Variants in NR1H2 observed in about 807,000 individuals in gnomAD.
NR1H2 encodes the protein nuclear receptor subfamily 1 group H member 2.
In NR1H2, 33 loss-of-function variants were observed where a neutral mutation model predicts 51.2. The ratio of observed to expected loss-of-function variants is 0.64; its 90% confidence interval spans 0.49 to 0.86. NR1H2 has a LOEUF of 0.86. NR1H2 is among the 40% of genes least tolerant of loss of function. The pLI, the probability that NR1H2 is intolerant of heterozygous loss-of-function variation, is 0.00. For synonymous variants in NR1H2, 310 were observed against 264.3 expected (o/e 1.17, Z -1.68); for missense variants, 592 against 639.9 (o/e 0.93, Z 0.81).
rs55652650 is a variant in NR1H2 at position 50,378,563 on chromosome 19, A to AAAC, written c.516_518dup (p.Gln175dup). The stretch of plus-strand genomic sequence containing the variant: ...ACAGATCCGGAAGAAGAAGATTCGG[A>AAAC]AACAGCAGCAGGAGTCACAGTCACA... On this transcript the variant is annotated inframe_insertion, in exon 6 of 10. Coordinates refer to ENST00000253727, the MANE Select transcript of NR1H2 (RefSeq NM_007121.7). The AAAC allele has an allele frequency of 0.6, 934,638 of 1,565,098 alleles. 275,047 individuals carry two copies. The highest frequency in any genetic ancestry group is 0.8 in the East Asian group (35,904 of 44,610).
chr19:50,377,636 A>G lies in NR1H2; in HGVS notation c.31A>G (p.Thr11Ala). MSSPTTSSLD[T>A]PLPGNGPPQP... ...CTCTCCTACCACGAGTTCCCTGGAT[A>G]CCCCCCTGCCTGGTGAGTGACTCTC... The change falls in exon 3 of 10, where the codon ACC becomes GCC. Residue 11 changes from threonine (T) to alanine (A), a missense_variant. Coordinates refer to ENST00000253727, the MANE Select transcript of NR1H2 (RefSeq NM_007121.7). 1 of 1,612,880 alleles carries G rather than the reference A, an allele frequency of 6.2e-7. No individual in the cohort carries two copies. Among genetic ancestry groups the G allele is most frequent in the Non-Finnish European group, 8.5e-7 (1 of 1,179,522 alleles).
chr19:50,378,893 C>T lies in NR1H2; in HGVS notation c.747+97C>T, dbSNP rs1828439192. ...TGTGGGAGAATGAGGCTCCAGAGGG[C>T]AGGGGCTTTGGGAAGAGGATCCCCC... On this transcript the variant is annotated intron_variant, in intron 6 of 9. Coordinates refer to ENST00000253727, the MANE Select transcript of NR1H2 (RefSeq NM_007121.7). 5 of 1,555,812 alleles carry T rather than the reference C, an allele frequency of 3.2e-6. No individual in the cohort carries two copies. The South Asian group carries it at 6.1e-5, about 19-fold the overall frequency.
chr19:50,377,599 C>G lies in NR1H2; in HGVS notation c.-7C>G. 1.9e-6 allele frequency: 3 copies of G among 1,613,534 alleles called. No individual in the cohort carries two copies. In the African/African-American group the frequency reaches 4.0e-5, roughly 22 times the overall value. ...CTGTATTCTACAGGCTGCTCCGTGA[C>G]CCCACCATGTCCTCTCCTACCACGA... On this transcript the variant is annotated 5_prime_UTR_variant, in exon 3 of 10. Coordinates refer to ENST00000253727, the MANE Select transcript of NR1H2 (RefSeq NM_007121.7).
rs533061227 is a variant in NR1H2 at position 50,382,446 on chromosome 19, C to T, written c.1237-10C>T. The T allele has an allele frequency of 6.9e-6, 11 of 1,584,180 alleles. No homozygotes were observed. In the South Asian group the frequency reaches 1.0e-4, roughly 15 times the overall value. ...GGGCTCAGCCAGCGCCCACCTGCCT[C>T]CTCCCTCAGGACCAGCTGCGCTTCC... On this transcript the variant is annotated splice_polypyrimidine_tract_variant and intron_variant, in intron 9 of 9. Transcript: ENST00000253727.
intron 7 of NR1H2, 75 bp downstream of exon 7, chr19:50,379,256 C>A (rs905621461): frequency 1.4e-6 from 2 of 1,431,840 alleles, no homozygotes; most frequent in Non-Finnish European, 1.9e-6. Flanking sequence ...TTAAGGAAGA[C>A]CAGTGCTTGC....
intron 8 of NR1H2, 149 bp from the exon 9 acceptor site, chr19:50,381,815 CAT>C (rs1465433634): frequency 9.0e-6 from 6 of 669,592 alleles, no homozygotes; most frequent in Non-Finnish European, 1.5e-5. Flanking sequence ...TGCCAGCACT[CAT>C]GGGCACGGGG....
chr19:50,382,977 CAG>C lies in NR1H2; in HGVS notation c.*377_*378del, dbSNP rs1168754320. ...GCTTTTATTTAATAAAAACTAAAAA[CAG>C]AAACAGGAAAATAAAATATGAATAC... is the stretch of plus-strand genomic sequence containing the variant. On this transcript the variant is annotated 3_prime_UTR_variant, in exon 10 of 10. Transcript: ENST00000253727. 1.2e-5 allele frequency: 2 copies of C among 173,290 alleles called. No homozygotes were observed. Among genetic ancestry groups the C allele is most frequent in the Non-Finnish European group, 1.2e-5 (1 of 82,128 alleles). 10.7% of individuals were successfully genotyped at this position (173,290 alleles called of 1,614,324 possible). A position where few individuals can be genotyped will look rare whatever the true frequency, so the allele number is the denominator to read the frequency against.
intron 9 of NR1H2, 93 bp from the exon 10 acceptor site, chr19:50,382,363 G>A (rs1389637120): frequency 6.7e-7 from 1 of 1,482,106 alleles, no homozygotes; most frequent in Non-Finnish European, 9.0e-7. Flanking sequence ...TCCCACGCCT[G>A]GTCGGGGAGG....
intron 2 of NR1H2, 33 bp from the exon 3 acceptor site, chr19:50,377,554 C>T (rs923838848): frequency 1.3e-6 from 2 of 1,570,576 alleles, no homozygotes; most frequent in African/African-American, 1.4e-5. Context: ...CCTTCTTAGC[C>T]CCACAAGGCT....
In NR1H2 at chr19:50,378,681, C is replaced by T. The variant is rs772588944; in HGVS notation, c.632C>T (p.Ser211Phe). 6.2e-7 allele frequency: 1 copy of T among 1,613,682 alleles called. No individual in the cohort carries two copies. The highest frequency in any genetic ancestry group is 1.1e-5 in the South Asian group (1 of 91,088). The change falls in exon 6 of 10, where the codon TCC (serine) becomes TTC (phenylalanine). Residue 211 changes from serine (S) to phenylalanine (F), a missense_variant. By Grantham distance (155) the Ser-to-Phe change is radical. Coordinates refer to ENST00000253727, the MANE Select transcript of NR1H2 (RefSeq NM_007121.7). ...PGGSEAGSQGSGEGEGVQLTA... is the reference protein window; with the variant it reads ...PGGSEAGSQGFGEGEGVQLTA... ...GGATCTGAGGCAGGCAGCCAGGGCT[C>T]CGGGGAAGGCGAGGGTGTCCAGCTA...
Position 50,378,565 on chromosome 19 carries a change from A to ACAG in NR1H2, c.523_525dup (p.Gln175dup), listed in dbSNP as rs34296657. The ACAG allele has an allele frequency of 0.35, 562,507 of 1,612,462 alleles. 103,272 individuals are homozygous for ACAG. The highest frequency in any genetic ancestry group is 0.62 in the African/African-American group (46,366 of 74,868). On this transcript the variant is annotated inframe_insertion, in exon 6 of 10. Coordinates refer to ENST00000253727, the MANE Select transcript of NR1H2 (RefSeq NM_007121.7). ...AGATCCGGAAGAAGAAGATTCGGAA[A>ACAG]CAGCAGCAGGAGTCACAGTCACAGT... is the stretch of plus-strand genomic sequence containing the variant.
At position 50,382,852 on chromosome 19, in the gene NR1H2, T is replaced by TA; in HGVS notation, c.*251dup. The TA allele has an allele frequency of 4.8e-6, 2 of 418,174 alleles. No individual in the cohort carries two copies. The highest frequency in any genetic ancestry group is 8.6e-6 in the Non-Finnish European group (2 of 233,682). The allele number at this position is 418,174 out of a possible 1,614,324, so 25.9% of individuals were successfully genotyped here. A position where few individuals can be genotyped will look rare whatever the true frequency, so the allele number is the denominator to read the frequency against. On this transcript the variant is annotated 3_prime_UTR_variant, in exon 10 of 10. Coordinates refer to ENST00000253727, the MANE Select transcript of NR1H2 (RefSeq NM_007121.7). The stretch of plus-strand genomic sequence containing the variant: ...TCCCGGCTGCCCTCCCTCCCCAGCT[T>TA]ACACCTCAAGCCCAGCACGCAGTGC...
rs1454080326 is a variant in NR1H2, at chr19:50,377,752, T to C, written c.63T>C (p.Pro21=). 6.2e-7 allele frequency: 1 copy of C among 1,607,990 alleles called. No individual in the cohort carries two copies. Among genetic ancestry groups the C allele is most frequent in the Non-Finnish European group, 8.5e-7 (1 of 1,176,914 alleles). Residue 21 remains proline (P), a synonymous_variant, in exon 4 of 10, where the codon CCT becomes CCC. Coordinates refer to ENST00000253727, the MANE Select transcript of NR1H2 (RefSeq NM_007121.7). ...TTCCAGGAAATGGCCCCCCTCAGCC[T>C]GGCGCCCCTTCTTCTTCACCCACTG... is the stretch of plus-strand genomic sequence containing the variant. The part of the protein sequence containing the change: ...TPLPGNGPPQ[P]GAPSSSPTVK...
chr19:50,377,706 C>A (rs759747152), intron 3 of NR1H2, 27 bp from the exon 4 acceptor site: 28 of 1,603,460 alleles, frequency 1.7e-5, no homozygotes, highest in South Asian at 2.2e-5. Flanking sequence ...GCTCACTGTA[C>A]CTCTCCCGGA....
chr19:50,380,328 C>G (rs141260731), intron 8 of NR1H2, among the ~76,000 whole-genome samples: 1 of 152,166 alleles, frequency 6.6e-6, no homozygotes, highest in Non-Finnish European at 1.5e-5. Flanking sequence ...GGCTGGAGCT[C>G]GGTCCATTGT....
In NR1H2 at chr19:50,382,102, G is replaced by C. The variant is rs565686544; in HGVS notation, c.1164G>C (p.Pro388=). The change falls in exon 9 of 10, where the codon CCG becomes CCC. Residue 388 remains proline, a synonymous_variant. Transcript: ENST00000253727. ...FSADRPNVQE[P]GRVEALQQPY... is the part of the protein sequence containing the mutation. ...CCGACCGGCCCAACGTGCAGGAGCC[G>C]GGCCGCGTGGAGGCGTTGCAGCAGC... is the stretch of plus-strand genomic sequence containing the variant. 3 of 1,547,286 alleles carry C rather than the reference G, an allele frequency of 1.9e-6. No homozygotes were observed. Among genetic ancestry groups the C allele is most frequent in the Non-Finnish European group, 2.6e-6 (3 of 1,147,076 alleles).
chr19:50,376,906 G>A (rs2037674009), intron 2 of NR1H2, 80 bp downstream of exon 2: 1 of 148,576 alleles, frequency 6.7e-6, no homozygotes, highest in Non-Finnish European at 1.5e-5. Context: ...AGCGCGGTGC[G>A]GGGGCGGGGC....
At chr19:50,381,907 C>T in intron 8 of NR1H2, 59 bp from the exon 9 acceptor site, 2 of 1,423,042 alleles carry the variant, frequency 1.4e-6, no homozygotes, top group Non-Finnish European at 1.9e-6. Flanking sequence ...GCGCCAGGGT[C>T]CAGGATGTGG....
rs1243847236 is a variant in NR1H2 at position 50,382,027 on chromosome 19, C to A, written c.1089C>A (p.Gly363=). The part of the protein sequence containing the change: ...FEFSRAMRRL[G]LDDAEYALLI... ...TCTCGCGGGCCATGCGGCGGCTGGG[C>A]CTGGACGACGCTGAGTACGCCCTGC... Residue 363 remains glycine, a synonymous_variant, in exon 9 of 10, where the codon GGC becomes GGA. Transcript: ENST00000253727. 1 of 1,567,568 alleles carries A rather than the reference C, an allele frequency of 6.4e-7. No individual in the cohort carries two copies. Among genetic ancestry groups the A allele is most frequent in the Non-Finnish European group, 8.7e-7 (1 of 1,155,834 alleles).
Sources: allele counts gnomAD v4.1 joint callset (sites outside exome capture counted in the v4.1 genomes callset), GRCh38; gene constraint gnomAD v4.1.1; transcripts MANE v1.5; gene names NCBI Gene and HGNC (gene_info 2026-07-23, HGNC 2026-07-21).